STK32A: variants seen among roughly 807,000 people sequenced by gnomAD.
STK32A encodes the protein serine/threonine-protein kinase 32A.
Under a neutral mutation model 53.2 loss-of-function variants are expected in STK32A, and 41 were observed. The ratio of observed to expected loss-of-function variants is 0.77; its 90% CI spans 0.60 to 1.00. The LOEUF (loss-of-function observed/expected upper bound fraction) is 1.00. Among genes scored for constraint, STK32A ranks in the 50% least tolerant of loss-of-function variants. The probability of loss-of-function intolerance (pLI) is 0.00; values close to 1 mark genes in which losing one functional copy is unlikely to be tolerated. For missense variants in STK32A, 458 were observed against 485.8 expected (o/e 0.94, Z 0.54); for synonymous variants, 166 against 162.8 (o/e 1.02, Z -0.15).
chr5:147,270,719 A>C (rs4235729), intron 2 of STK32A, among the ~76,000 whole-genome samples: 89,463 of 152,004 alleles, frequency 0.59, 26,692 homozygotes, highest in African/African-American at 0.67. Flanking sequence ...ACTCAGCATT[A>C]AAGAAATAAA....
rs144965104 is a variant in STK32A at position 147,283,022 on chromosome 5, C to T, written c.260+3624C>T. Among the ~76,000 whole-genome samples the T allele has an allele frequency of 5.6e-3, 860 of 152,220 alleles. 7 individuals are homozygous for T. Among genetic ancestry groups the T allele is most frequent in the Non-Finnish European group, 8.5e-3 (575 of 68,004 alleles). ...TATTCAACAGAGCATGGAAGTTTCT[C>T]CAAGATAGACCATATGATAGGCCAT... On this transcript the variant is annotated intron_variant, in intron 4 of 12. Coordinates refer to ENST00000397936, the MANE Select transcript of STK32A (RefSeq NM_001112724.2).
At chr5:147,360,608 C>G (rs1326081446) in intron 7 of STK32A, among the ~76,000 whole-genome samples, 3 of 152,078 alleles carry the variant, frequency 2.0e-5, no homozygotes, top group Admixed American at 6.6e-5. Flanking sequence ...GAATTTGAAC[C>G]CAGAGAGCAC....
rs995204098 is a variant in STK32A at position 147,297,247 on chromosome 5, A to G, written c.260+17849A>G. On this transcript the variant is annotated intron_variant, in intron 4 of 12. Transcript: ENST00000397936. ...ATATTTCTGTCCAGCCGTATTTTCA[A>G]GGATCTCAGCTTCTCTGTTGAGCAC... 1.1e-4 allele frequency among the ~76,000 whole-genome samples: 16 copies of G among 152,310 alleles called. No individual in the cohort carries two copies. In the East Asian group the frequency reaches 2.9e-3, roughly 28 times the overall value.
chr5:147,258,550 A>T (rs1049204561), intron 2 of STK32A, among the ~76,000 whole-genome samples: 1 of 152,098 alleles, frequency 6.6e-6, no homozygotes, highest in African/African-American at 2.4e-5. Flanking sequence ...TTCCTTCACA[A>T]CTTTCACAGA....
At chr5:147,396,202 C>T in the STK32A span, among the ~76,000 whole-genome samples, 1 of 152,282 alleles carries the variant, frequency 6.6e-6, no homozygotes, top group Non-Finnish European at 1.5e-5. Context: ...CACCCTCACA[C>T]TCTTCAGCAC....
chr5:147,235,964 T>C (rs1343574462), intron 1 of STK32A, among the ~76,000 whole-genome samples: 1 of 152,258 alleles, frequency 6.6e-6, no homozygotes, highest in Non-Finnish European at 1.5e-5. Context: ...TTTTGCCCCC[T>C]ATTTTTAAAA....
chr5:147,383,394 T>A, intron 11 of STK32A, 47 bp from the exon 12 acceptor site: 1 of 1,492,420 alleles, frequency 6.7e-7, no homozygotes, highest in African/African-American at 1.4e-5. Context: ...AGATTCTCAT[T>A]TGTCTGCTAA....
At chr5:147,263,784 AG>A (rs35986378) in intron 2 of STK32A, among the ~76,000 whole-genome samples, 45,029 of 151,932 alleles carry the variant, frequency 0.3, 7,043 homozygotes, top group African/African-American at 0.36. Flanking sequence ...AGAAAATGGA[AG>A]GGGGCAATAA....
intron 2 of STK32A, among the ~76,000 whole-genome samples, chr5:147,254,990 A>G (rs1475788884): frequency 6.6e-6 from 1 of 152,120 alleles, no homozygotes; most frequent in Non-Finnish European, 1.5e-5. Context: ...ATACAAAAAA[A>G]TTAGCTGGGC....
intron 4 of STK32A, among the ~76,000 whole-genome samples, chr5:147,320,642 A>G (rs1451554909): frequency 1.3e-5 from 2 of 152,226 alleles, no homozygotes; most frequent in Non-Finnish European, 2.9e-5. Flanking sequence ...ATGGCATTGC[A>G]CGTAACAGGG....
chr5:147,343,052 G>T lies in STK32A; in HGVS notation c.472+9G>T. The T allele has an allele frequency of 6.2e-7, 1 of 1,613,266 alleles. No individual in the cohort carries two copies. Among genetic ancestry groups the T allele is most frequent in the Non-Finnish European group, 8.5e-7 (1 of 1,179,648 alleles). Reference sequence around the variant, plus strand: ...TTTACTTGACGAACATGGTAAGTGAGTGATTTGTTTGCAATCAAGTACATG... The same window carrying T: ...TTTACTTGACGAACATGGTAAGTGATTGATTTGTTTGCAATCAAGTACATG... On this transcript the variant is annotated intron_variant, in intron 6 of 12. Coordinates refer to ENST00000397936, the MANE Select transcript of STK32A (RefSeq NM_001112724.2).
rs1295778186 is a variant in STK32A, at chr5:147,321,507, A to T, written c.261-2391A>T. 2.0e-5 allele frequency among the ~76,000 whole-genome samples: 3 copies of T among 152,196 alleles called. No homozygotes were observed. In the East Asian group the frequency reaches 5.8e-4, roughly 29 times the overall value. On this transcript the variant is annotated intron_variant, in intron 4 of 12. Coordinates refer to ENST00000397936, the MANE Select transcript of STK32A (RefSeq NM_001112724.2). ...ATTTATATTTCTACTGGCCAAGGAAAGCATGTTGCCTCTTGCCTGGGCCTC... is the reference window on the plus strand; with the variant it reads ...ATTTATATTTCTACTGGCCAAGGAATGCATGTTGCCTCTTGCCTGGGCCTC...
intron 5 of STK32A, among the ~76,000 whole-genome samples, chr5:147,326,438 C>T (rs969318249): frequency 5.3e-5 from 8 of 152,178 alleles, no homozygotes; most frequent in South Asian, 4.1e-4. Context: ...TCTGTAACCT[C>T]TATGCACCTC....
At chr5:147,382,773 T>A (rs905368412) in intron 11 of STK32A, 1 of 152,270 alleles carries the variant, frequency 6.6e-6, no homozygotes, top group African/African-American at 2.4e-5. Context: ...TCCCAGCCTT[T>A]CACGTGTGGC....
chr5:147,238,318 C>A (rs1307084157), intron 1 of STK32A, among the ~76,000 whole-genome samples: 2 of 152,116 alleles, frequency 1.3e-5, no homozygotes, highest in East Asian at 3.9e-4. Context: ...TGTTAAATGC[C>A]CAGTCTGGCT....
intron 2 of STK32A, among the ~76,000 whole-genome samples, chr5:147,260,000 TTC>T (rs1754439580): frequency 7.9e-6 from 1 of 126,616 alleles, no homozygotes; most frequent in African/African-American, 3.1e-5. Context: ...CTCTCTCTCT[TTC>T]TCTCTCCTCT....
chr5:147,236,812 C>A (rs945069836), intron 1 of STK32A, among the ~76,000 whole-genome samples: 1 of 152,130 alleles, frequency 6.6e-6, no homozygotes. Context: ...CTTTCTCTTT[C>A]TGATTCGACA....
rs1366346616 is a variant in STK32A at position 147,284,072 on chromosome 5, C to T, written c.260+4674C>T. On this transcript the variant is annotated intron_variant, in intron 4 of 12. Transcript: ENST00000397936. ...AACAGCATATCAAAAAGATAATCCA[C>T]CATGATCAAGTGGGTTTCATATCAG... Among the ~76,000 whole-genome samples, 5 of 151,992 alleles carry T rather than the reference C, an allele frequency of 3.3e-5. No homozygotes were observed. In the East Asian group the frequency reaches 9.6e-4, roughly 29 times the overall value.
intron 5 of STK32A, among the ~76,000 whole-genome samples, chr5:147,331,851 G>A (rs1288260536): frequency 6.6e-6 from 1 of 152,164 alleles, no homozygotes; most frequent in Admixed American, 6.5e-5. Context: ...AGGAATGCCA[G>A]AGATTGCCAG....
Sources: allele counts gnomAD v4.1 joint callset (sites outside exome capture counted in the v4.1 genomes callset), GRCh38; gene constraint gnomAD v4.1.1; transcripts MANE v1.5; gene names NCBI Gene and HGNC (gene_info 2026-07-23, HGNC 2026-07-21).